IL1RAPL1: variants seen among roughly 807,000 people sequenced by gnomAD.
The protein encoded by IL1RAPL1 is interleukin 1 receptor accessory protein like 1.
IL1RAPL1 carries 3 observed loss-of-function variants against 48.4 expected under a neutral mutation model. The ratio of observed to expected loss-of-function variants is 0.06; its 90% CI spans 0.03 to 0.16. The LOEUF is 0.16. Among genes scored for constraint, IL1RAPL1 ranks in the 10% least tolerant of loss-of-function variants. The pLI, the probability that IL1RAPL1 is intolerant of heterozygous loss-of-function variation, is 1.00. For synonymous variants in IL1RAPL1, 185 were observed against 187.7 expected, an observed-to-expected ratio of 0.99 and a Z score of 0.12; for missense variants, 349 against 530.6, an observed-to-expected ratio of 0.66 and a Z score of 3.36.
chrX:29,490,594 A>G (rs1261111747), intron 5 of IL1RAPL1, among the ~76,000 whole-genome samples: 2 of 111,566 alleles, frequency 1.8e-5, no homozygotes, highest in African/African-American at 6.6e-5. Context: ...TACTTTGAAT[A>G]ATGTACCTAC....
chrX:29,212,171 T>C (rs1349595946), intron 2 of IL1RAPL1, among the ~76,000 whole-genome samples: 1 of 111,429 alleles, frequency 9.0e-6, no homozygotes, highest in Admixed American at 9.6e-5. Context: ...CCCCGACTTC[T>C]CTCCTCATTT....
intron 2 of IL1RAPL1, among the ~76,000 whole-genome samples, chrX:28,845,420 C>T (rs1319201631): frequency 9.0e-6 from 1 of 111,393 alleles, no homozygotes. Context: ...TATAAAATCT[C>T]TCCTTATATG....
intron 1 of IL1RAPL1, among the ~76,000 whole-genome samples, chrX:28,684,937 C>T (rs1158291920): frequency 9.0e-6 from 1 of 111,635 alleles, no homozygotes; most frequent in Non-Finnish European, 1.9e-5. Context: ...TTTCATGAGT[C>T]TCCAAAGGCT....
chrX:29,151,573 C>T (rs1386308785), intron 2 of IL1RAPL1, among the ~76,000 whole-genome samples: 3 of 111,266 alleles, frequency 2.7e-5, no homozygotes, highest in East Asian at 5.6e-4. Flanking sequence ...AGGAAGCTGA[C>T]CAATAAAAGG....
intron 2 of IL1RAPL1, among the ~76,000 whole-genome samples, chrX:29,243,010 A>G (rs1234132588): frequency 8.9e-6 from 1 of 111,899 alleles, no homozygotes; most frequent in African/African-American, 3.3e-5. Context: ...CTTATTGCTG[A>G]ATGCATGGCC....
rs188804342 is a variant in IL1RAPL1 at position 29,006,745 on chromosome X, G to A, written c.82+217320G>A. 4.6e-3 allele frequency among the ~76,000 whole-genome samples: 490 copies of A among 105,570 alleles called. 2 individuals carry two copies. The highest frequency in any genetic ancestry group is 0.016 in the African/African-American group (467 of 28,879). The allele number at this position is 105,570 out of a possible 115,157, so 91.7% of individuals were successfully genotyped here. On this transcript the variant is annotated intron_variant, in intron 2 of 10. Transcript: ENST00000378993. ...ACTCAAGTATGCTGTTTGTTTCCTGGAAACAGGAAGATATCTAGAATCTAC... is the reference window on the plus strand; with the variant it reads ...ACTCAAGTATGCTGTTTGTTTCCTGAAAACAGGAAGATATCTAGAATCTAC...
chrX:28,721,876 G>C (rs1260951206), intron 1 of IL1RAPL1, among the ~76,000 whole-genome samples: 2 of 110,558 alleles, frequency 1.8e-5, no homozygotes, highest in Middle Eastern at 4.7e-3. Flanking sequence ...TCTTGTTTTT[G>C]TCAGGTTTGT....
At chrX:28,704,831 CA>C (rs1179973377) in intron 1 of IL1RAPL1, among the ~76,000 whole-genome samples, 2,500 of 29,556 alleles carry the variant, frequency 0.085, 88 homozygotes, top group Non-Finnish European at 0.1. Context: ...CACACACACA[CA>C]AAAAAAAAAA....
chrX:28,897,205 CGGAG>C (rs1468897045), intron 2 of IL1RAPL1, among the ~76,000 whole-genome samples: 1 of 93,225 alleles, frequency 1.1e-5, no homozygotes, highest in Admixed American at 1.3e-4. Context: ...GGTAGAGACA[CGGAG>C]AGAAGGGGTC....
chrX:29,746,670 C>T (rs5927168), intron 6 of IL1RAPL1, among the ~76,000 whole-genome samples: 32,419 of 110,155 alleles, frequency 0.29, 3,872 homozygotes, highest in South Asian at 0.48. Flanking sequence ...TGCAGTGGCG[C>T]GATCTCAGCT....
At chrX:29,764,940 A>G (rs760083759) in intron 6 of IL1RAPL1, among the ~76,000 whole-genome samples, 12 of 112,252 alleles carry the variant, frequency 1.1e-4, no homozygotes, top group Non-Finnish European at 2.3e-4. Context: ...CTAGGACAAG[A>G]GCCGCTGCTG....
chrX:29,521,341 G>A (rs1569329983), intron 5 of IL1RAPL1, among the ~76,000 whole-genome samples: 1 of 111,783 alleles, frequency 8.9e-6, no homozygotes, highest in Non-Finnish European at 1.9e-5. Flanking sequence ...TTGCTGGGAT[G>A]AGCCATCATT....
chrX:28,679,699 A>G (rs890598634), intron 1 of IL1RAPL1, among the ~76,000 whole-genome samples: 1 of 111,923 alleles, frequency 8.9e-6, no homozygotes, highest in African/African-American at 3.2e-5. Flanking sequence ...TCTTAACTCC[A>G]TTTATTAAAG....
chrX:29,800,008 T>C (rs1929837096), intron 6 of IL1RAPL1, among the ~76,000 whole-genome samples: 2 of 111,904 alleles, frequency 1.8e-5, no homozygotes, highest in African/African-American at 6.5e-5. Flanking sequence ...TTGTAGGCCG[T>C]ATCCTCTGTT....
intron 2 of IL1RAPL1, among the ~76,000 whole-genome samples, chrX:28,815,877 AT>A (rs1936862232): frequency 1.2e-4 from 9 of 78,207 alleles, no homozygotes; most frequent in African/African-American, 3.8e-4. Flanking sequence ...ATATATATAT[AT>A]ATATATAATT....
intron 1 of IL1RAPL1, among the ~76,000 whole-genome samples, chrX:28,680,331 A>G (rs1047042821): frequency 9.0e-6 from 1 of 111,182 alleles, no homozygotes; most frequent in Non-Finnish European, 1.9e-5. Flanking sequence ...ACTTTACTGA[A>G]TTTGTTCATT....
chrX:28,801,673 G>C (rs1209922904), intron 2 of IL1RAPL1, among the ~76,000 whole-genome samples: 2 of 111,406 alleles, frequency 1.8e-5, no homozygotes, highest in African/African-American at 3.3e-5. Context: ...TGGTGCAAAA[G>C]TAATTGCAAT....
At chrX:28,714,816 CA>C (rs1168288585) in intron 1 of IL1RAPL1, among the ~76,000 whole-genome samples, 2 of 111,909 alleles carry the variant, frequency 1.8e-5, no homozygotes, top group African/African-American at 6.5e-5. Context: ...GGACATTTTT[CA>C]AATGTGCCTT....
chrX:29,551,202 C>T (rs1213604558), intron 5 of IL1RAPL1, among the ~76,000 whole-genome samples: 1 of 112,059 alleles, frequency 8.9e-6, no homozygotes, highest in Non-Finnish European at 1.9e-5. Flanking sequence ...ATTTTGTTCA[C>T]CCATTCATCC....
Sources: gnomAD v4.1 joint callset for allele counts (sites outside exome capture counted in the v4.1 genomes callset) on GRCh38, gnomAD v4.1.1 for gene constraint, MANE v1.5 for transcripts, NCBI Gene and HGNC (gene_info 2026-07-23, HGNC 2026-07-21) for gene names.